The following EPHA3 variants were observed in gnomAD, a reference collection of about 807,000 sequenced individuals.
The protein encoded by EPHA3 is EPH receptor A3, also known as ephrin type-A receptor 3.
Under a neutral mutation model 107.1 loss-of-function variants are expected in EPHA3, and 42 were observed. The ratio of observed to expected loss-of-function variants is 0.39; its 90% confidence interval spans 0.31 to 0.51. EPHA3 has a LOEUF of 0.51. Among genes scored for constraint, EPHA3 ranks in the 20% least tolerant of loss-of-function variants. The pLI, the probability that EPHA3 is intolerant of heterozygous loss-of-function variation, is 0.78. For synonymous variants in EPHA3, 461 were observed against 424.8 expected (o/e 1.09, Z -1.05); for missense variants, 1,183 against 1,211.2 (o/e 0.98, Z 0.35).
At position 89,390,444 on chromosome 3, in the gene EPHA3, C is replaced by A. The variant is rs184140522; in HGVS notation, c.1307-5393C>A. 5.1e-3 allele frequency among the ~76,000 whole-genome samples: 772 copies of A among 151,904 alleles called. 7 individuals carry two copies. Among genetic ancestry groups the A allele is most frequent in the African/African-American group, 0.018 (728 of 41,448 alleles). ...TGAAACCCCATCTCTACCAAAAATA[C>A]AAAAAATTAGCTAGGCATGGTGGCC... is the stretch of plus-strand genomic sequence containing the variant. On this transcript the variant is annotated intron_variant, in intron 5 of 16. Transcript: ENST00000336596.
intron 5 of EPHA3, among the ~76,000 whole-genome samples, chr3:89,348,538 C>A (rs1273969601): frequency 7.2e-6 from 1 of 139,592 alleles, no homozygotes; most frequent in East Asian, 2.0e-4. Context: ...AGCGGTCTAT[C>A]AATTTTGTTG....
intron 2 of EPHA3, among the ~76,000 whole-genome samples, chr3:89,176,990 C>T (rs939577514): frequency 6.6e-6 from 1 of 152,114 alleles, no homozygotes; most frequent in Admixed American, 6.5e-5. Context: ...CTCACACACA[C>T]ACACACACGG....
chr3:89,172,321 C>A (rs919265208), intron 2 of EPHA3, among the ~76,000 whole-genome samples: 4 of 152,090 alleles, frequency 2.6e-5, no homozygotes, highest in Admixed American at 6.5e-5. Flanking sequence ...TGTTTAGTGG[C>A]AGCAGCTTGC....
intron 2 of EPHA3, among the ~76,000 whole-genome samples, chr3:89,144,561 A>G (rs572191673): frequency 5.9e-5 from 9 of 151,928 alleles, no homozygotes; most frequent in African/African-American, 2.2e-4. Context: ...TTACTATTAG[A>G]AAATATCTGC....
At chr3:89,189,586 C>T (rs1169608299) in intron 2 of EPHA3, among the ~76,000 whole-genome samples, 3 of 152,094 alleles carry the variant, frequency 2.0e-5, no homozygotes, top group African/African-American at 4.8e-5. Context: ...AGCAAGACTT[C>T]GTCTCAAAAC....
At chr3:89,123,852 T>A (rs1704026940) in intron 1 of EPHA3, among the ~76,000 whole-genome samples, 1 of 152,192 alleles carries the variant, frequency 6.6e-6, no homozygotes, top group Non-Finnish European at 1.5e-5. Context: ...TATTCTAAAA[T>A]TAACAAAATA....
intron 2 of EPHA3, among the ~76,000 whole-genome samples, chr3:89,208,478 G>GAA (rs1196447140): frequency 1.3e-4 from 15 of 118,226 alleles, no homozygotes; most frequent in African/African-American, 4.1e-4. Flanking sequence ...AAGAAAGAAA[G>GAA]AAAGAGAAAA....
intron 3 of EPHA3, among the ~76,000 whole-genome samples, chr3:89,258,735 A>G (rs1705344782): frequency 1.3e-5 from 2 of 152,186 alleles, no homozygotes; most frequent in South Asian, 4.1e-4. Flanking sequence ...TTTGCTCAAA[A>G]TCTTCCAAAG....
chr3:89,432,299 G>T (rs1384405422), intron 13 of EPHA3, among the ~76,000 whole-genome samples: 2 of 152,116 alleles, frequency 1.3e-5, no homozygotes, highest in Non-Finnish European at 2.9e-5. Flanking sequence ...AGGATAAATT[G>T]AATGTATATG....
At chr3:89,227,930 T>C (rs1425059376) in intron 3 of EPHA3, among the ~76,000 whole-genome samples, 1 of 151,958 alleles carries the variant, frequency 6.6e-6, no homozygotes, top group African/African-American at 2.4e-5. Context: ...GCATTGTAGT[T>C]CCTTTCACCA....
chr3:89,211,309 G>A (rs541368072), intron 3 of EPHA3, among the ~76,000 whole-genome samples: 1 of 151,924 alleles, frequency 6.6e-6, no homozygotes, highest in Non-Finnish European at 1.5e-5. Context: ...TATATCAGCT[G>A]TGCTATATCA....
chr3:89,470,765 T>C (rs1280422919), intron 15 of EPHA3, among the ~76,000 whole-genome samples: 2 of 152,188 alleles, frequency 1.3e-5, no homozygotes, highest in Non-Finnish European at 2.9e-5. Flanking sequence ...TGGACTGTGG[T>C]ATAGAATAAT....
intron 13 of EPHA3, among the ~76,000 whole-genome samples, chr3:89,443,862 G>A (rs759342609): frequency 6.6e-6 from 1 of 152,116 alleles, no homozygotes; most frequent in African/African-American, 2.4e-5. Flanking sequence ...TTCACCCAAA[G>A]AGTTTACATT....
At chr3:89,406,508 TA>T (rs1383050082) in intron 7 of EPHA3, among the ~76,000 whole-genome samples, 2 of 152,202 alleles carry the variant, frequency 1.3e-5, no homozygotes, top group Non-Finnish European at 2.9e-5. Context: ...AAATCAGTCA[TA>T]GACAATATAC....
At chr3:89,264,973 T>C (rs377188921) in intron 3 of EPHA3, among the ~76,000 whole-genome samples, 10 of 152,176 alleles carry the variant, frequency 6.6e-5, no homozygotes, top group African/African-American at 2.4e-4. Context: ...GGATATTAGA[T>C]GTTTTGATAT....
At chr3:89,125,348 A>T (rs1704071378) in intron 1 of EPHA3, among the ~76,000 whole-genome samples, 1 of 151,820 alleles carries the variant, frequency 6.6e-6, no homozygotes, top group Non-Finnish European at 1.5e-5. Context: ...TGAACTAGGT[A>T]TATCTTTTAT....
At chr3:89,324,613 T>A (rs1306930904) in intron 3 of EPHA3, among the ~76,000 whole-genome samples, 1 of 152,142 alleles carries the variant, frequency 6.6e-6, no homozygotes, top group Admixed American at 6.6e-5. Flanking sequence ...ATGTGACAAT[T>A]TCTTATACAT....
chr3:89,374,659 C>G (rs2107475737), intron 5 of EPHA3, among the ~76,000 whole-genome samples: 1 of 151,634 alleles, frequency 6.6e-6, no homozygotes, highest in East Asian at 2.0e-4. Context: ...TAGAAAAATC[C>G]CATTGGTCTG....
Position 89,254,320 on chromosome 3 carries a change from T to C in EPHA3, c.814+43800T>C, listed in dbSNP as rs147209533. Among the ~76,000 whole-genome samples, 120 of 152,312 alleles carry C rather than the reference T, an allele frequency of 7.9e-4. 1 individual carries two copies. The highest frequency in any genetic ancestry group is 2.7e-3 in the African/African-American group (111 of 41,576). On this transcript the variant is annotated intron_variant, in intron 3 of 16. Coordinates refer to ENST00000336596, the MANE Select transcript of EPHA3 (RefSeq NM_005233.6). ...CTGATCAAATAGTCAATAATCCTTG[T>C]ACATTTACTTCTGTGATTAGCATTA...
Sources: gnomAD v4.1 joint callset for allele counts (sites outside exome capture counted in the v4.1 genomes callset) on GRCh38, gnomAD v4.1.1 for gene constraint, MANE v1.5 for transcripts, NCBI Gene and HGNC (gene_info 2026-07-23, HGNC 2026-07-21) for gene names.